Variants in TSHZ3 observed in about 807,000 individuals in gnomAD.
TSHZ3 encodes teashirt homolog 3.
Under a neutral mutation model 64.5 loss-of-function variants are expected in TSHZ3, and 10 were observed. The observed-to-expected ratio is 0.16, with a 90% CI of 0.10 to 0.26. The LOEUF (loss-of-function observed/expected upper bound fraction) is 0.26, where lower values mean the gene tolerates loss of function less well. TSHZ3 is among the 10% of genes least tolerant of loss of function. The pLI, the probability that TSHZ3 is intolerant of heterozygous loss-of-function variation, is 1.00. For missense variants in TSHZ3, 1,242 were observed against 1,421.7 expected (o/e 0.87, Z 2.03); for synonymous variants, 608 against 593.1 (o/e 1.03, Z -0.36).
At chr19:31,342,004 A>C (rs941787830) in intron 1 of TSHZ3, among the ~76,000 whole-genome samples, 1 of 152,200 alleles carries the variant, frequency 6.6e-6, no homozygotes, top group African/African-American at 2.4e-5. Flanking sequence ...TATGACCAAA[A>C]ATAGGAACAC....
intron 1 of TSHZ3, among the ~76,000 whole-genome samples, chr19:31,334,934 G>T (rs538913085): frequency 2.0e-5 from 3 of 152,174 alleles, no homozygotes; most frequent in Middle Eastern, 6.8e-3. Flanking sequence ...CCTTCTTCCT[G>T]CCCTCTCTCT....
At chr19:31,345,822 T>C (rs1389802926) in intron 1 of TSHZ3, among the ~76,000 whole-genome samples, 2 of 152,170 alleles carry the variant, frequency 1.3e-5, no homozygotes, top group African/African-American at 4.8e-5. Context: ...AAATGTTTTT[T>C]AAAAACCACT....
At chr19:31,170,626 A>C (rs576883922) in intron 5 of TSHZ3, among the ~76,000 whole-genome samples, 11 of 152,306 alleles carry the variant, frequency 7.2e-5, no homozygotes, top group Non-Finnish European at 1.5e-4. Context: ...ATACCCTTCC[A>C]AGTCCAGCTA....
chr19:31,338,590 T>C (rs1279202342), intron 1 of TSHZ3, among the ~76,000 whole-genome samples: 1 of 150,186 alleles, frequency 6.7e-6, no homozygotes, highest in Non-Finnish European at 1.5e-5. Flanking sequence ...TCTTTTTTTT[T>C]TTTTTTTAGC....
intron 1 of TSHZ3, among the ~76,000 whole-genome samples, chr19:31,314,391 G>GTCTCA (rs1222655289): frequency 2.6e-5 from 4 of 152,184 alleles, no homozygotes; most frequent in Non-Finnish European, 5.9e-5. Flanking sequence ...CCGGAACCGT[G>GTCTCA]TCTCACCTGC....
In TSHZ3 at chr19:31,349,368, C is replaced by A; in HGVS notation, c.-149G>T. 1.0e-5 allele frequency: 6 copies of A among 592,348 alleles called. No individual in the cohort carries two copies. Among genetic ancestry groups the A allele is most frequent in the Non-Finnish European group, 1.3e-5 (5 of 392,632 alleles). The allele number at this position is 592,348 out of a possible 1,614,324, so 36.7% of individuals were successfully genotyped here. On this transcript the variant is annotated 5_prime_UTR_variant, in exon 1 of 2. Transcript: ENST00000240587. Reference sequence around the variant, plus strand: ...AGCGGCCGCCCGCAGGATGCTGCTGCGCCCAGGCTCTCCGCGTCCCCCCCG... The same window carrying A: ...AGCGGCCGCCCGCAGGATGCTGCTGAGCCCAGGCTCTCCGCGTCCCCCCCG...
intron 3 of TSHZ3, among the ~76,000 whole-genome samples, chr19:31,241,513 A>G (rs535956652): frequency 3.9e-5 from 6 of 152,136 alleles, no homozygotes; most frequent in Non-Finnish European, 8.8e-5. Flanking sequence ...TCAATCTCCC[A>G]ACAGCTTAAC....
chr19:31,277,096 G>A lies in TSHZ3; in HGVS notation c.2697C>T (p.Asn899=), dbSNP rs1186163294. Residue 899 remains asparagine (N), a synonymous_variant, in exon 2 of 2, where the codon AAC becomes AAT. Coordinates refer to ENST00000240587, the MANE Select transcript of TSHZ3 (RefSeq NM_020856.4). The surrounding 1 kb of genome is among the most constrained non-coding windows in gnomAD (Gnocchi z 4.5). The part of the protein sequence containing the change: ...QKRKGRQSNW[N]PQHLLILQAQ... ...CCTGGAGGATCAGGAGGTGCTGGGGGTTCCAGTTTGACTGGCGGCCCTTCC... is the reference window on the plus strand; with the variant it reads ...CCTGGAGGATCAGGAGGTGCTGGGGATTCCAGTTTGACTGGCGGCCCTTCC... The A allele has an allele frequency of 1.2e-6, 2 of 1,604,260 alleles. No individual in the cohort carries two copies. The highest frequency in any genetic ancestry group is 2.2e-5 in the East Asian group (1 of 44,734).
At chr19:31,304,535 A>T (rs894947470) in intron 1 of TSHZ3, among the ~76,000 whole-genome samples, 2 of 152,266 alleles carry the variant, frequency 1.3e-5, no homozygotes, top group African/African-American at 4.8e-5. Context: ...TTGAGTTTTT[A>T]AAATATCAAA....
At chr19:31,159,439 A>G (rs1974344811) in intron 5 of TSHZ3, among the ~76,000 whole-genome samples, 1 of 152,184 alleles carries the variant, frequency 6.6e-6, no homozygotes, top group African/African-American at 2.4e-5. Flanking sequence ...ATTTTTGAAC[A>G]CCTTCGGGGA....
At chr19:31,197,522 A>T (rs1385914621) in intron 5 of TSHZ3, among the ~76,000 whole-genome samples, 1 of 151,756 alleles carries the variant, frequency 6.6e-6, no homozygotes, top group Non-Finnish European at 1.5e-5. Context: ...ATGAAACCAA[A>T]AGTATGTTTT....
chr19:31,307,185 C>T (rs76843717), intron 1 of TSHZ3, among the ~76,000 whole-genome samples: 5,868 of 152,240 alleles, frequency 0.039, 206 homozygotes, highest in African/African-American at 0.097. Flanking sequence ...CTGCCTCTAC[C>T]CGTTTCTATA....
chr19:31,349,885 C>G (rs917069622), upstream of TSHZ3, among the ~76,000 whole-genome samples: 67 of 146,348 alleles, frequency 4.6e-4, no homozygotes, highest in African/African-American at 1.3e-3. Flanking sequence ...GTCAATCGCC[C>G]GCCCGCGGGG....
chr19:31,203,342 G>T (rs1277027905), intron 5 of TSHZ3, among the ~76,000 whole-genome samples: 1 of 152,090 alleles, frequency 6.6e-6, no homozygotes, highest in Non-Finnish European at 1.5e-5. Flanking sequence ...GACCAGAGAG[G>T]TGAGCTAGGC....
At chr19:31,165,777 A>G (rs1974442629) in intron 5 of TSHZ3, among the ~76,000 whole-genome samples, 1 of 152,130 alleles carries the variant, frequency 6.6e-6, no homozygotes, top group Non-Finnish European at 1.5e-5. Flanking sequence ...ATTTAAAGTG[A>G]CCTAAGGGAC....
intron 5 of TSHZ3, among the ~76,000 whole-genome samples, chr19:31,160,816 A>G (rs1974366362): frequency 1.3e-5 from 2 of 152,256 alleles, no homozygotes; most frequent in South Asian, 4.1e-4. Flanking sequence ...ACATGCATAT[A>G]CACACAATTT....
intron 1 of TSHZ3, among the ~76,000 whole-genome samples, chr19:31,283,013 C>T (rs1169060225): frequency 6.6e-6 from 1 of 152,142 alleles, no homozygotes; most frequent in East Asian, 1.9e-4. Context: ...AAGACTTTTA[C>T]CCACTGGTTC....
chr19:31,269,663 C>A (rs1976106578), intron 1 of TSHZ3, among the ~76,000 whole-genome samples: 1 of 152,140 alleles, frequency 6.6e-6, no homozygotes. Context: ...TTATGACGGT[C>A]ATAAATGTGT....
chr19:31,282,470 C>T (rs1235277179), intron 1 of TSHZ3, among the ~76,000 whole-genome samples: 1 of 152,148 alleles, frequency 6.6e-6, no homozygotes, highest in Non-Finnish European at 1.5e-5. Context: ...TGGGTGAAGG[C>T]CACCAGGTGA....
Sources: gnomAD v4.1 joint callset for allele counts (sites outside exome capture counted in the v4.1 genomes callset) on GRCh38, gnomAD v4.1.1 for gene constraint, Gnocchi (gnomAD v3.1) non-coding constraint, MANE v1.5 for transcripts, NCBI Gene and HGNC (gene_info 2026-07-23, HGNC 2026-07-21) for gene names.